CPSF7: variants seen among roughly 807,000 people sequenced by gnomAD.
CPSF7 encodes the protein cleavage and polyadenylation specific factor 7.
In CPSF7, 1 loss-of-function variant was observed where a neutral mutation model predicts 44.3. The observed-to-expected ratio is 0.02, with a 90% CI of 0.01 to 0.11. The LOEUF is 0.11. Ranked by LOEUF, CPSF7 falls within the 10% of genes least tolerant of loss-of-function variation. The probability of loss-of-function intolerance (pLI) is 1.00; values close to 1 mark genes in which losing one functional copy is unlikely to be tolerated. For synonymous variants in CPSF7, 202 were observed against 222.0 expected, an observed-to-expected ratio of 0.91 and a Z score of 0.80; for missense variants, 443 against 607.2, an observed-to-expected ratio of 0.73 and a Z score of 2.84.
rs369351140 is a variant in CPSF7 at position 61,420,042 on chromosome 11, G to A, written c.430C>T (p.Leu144Phe). Residue 144 changes from leucine (L) to phenylalanine (F), a missense_variant, in exon 5 of 10, where the codon CTC (leucine) becomes TTC (phenylalanine). Coordinates refer to ENST00000439958, the MANE Select transcript of CPSF7 (RefSeq NM_001142565.3). ...CCATTAAGAACTTTCCCTGGTAGGAGTTCCAACAATTTGTGGACAGAGTTT... is the reference window on the plus strand; with the variant it reads ...CCATTAAGAACTTTCCCTGGTAGGAATTCCAACAATTTGTGGACAGAGTTT... Reference protein sequence around the residue: ...SENSVHKLLELLPGKVLNGEK... With the variant: ...SENSVHKLLEFLPGKVLNGEK... The A allele has an allele frequency of 5.0e-6, 8 of 1,613,984 alleles. No individual in the cohort carries two copies. Among genetic ancestry groups the A allele is most frequent in the Non-Finnish European group, 6.8e-6 (8 of 1,179,962 alleles).
chr11:61,420,030 T>C lies in CPSF7; in HGVS notation c.442A>G (p.Lys148Glu), dbSNP rs765399178. 1.2e-6 allele frequency: 2 copies of C among 1,613,976 alleles called. No individual in the cohort carries two copies. The highest frequency in any genetic ancestry group is 1.7e-5 in the Admixed American group (1 of 60,000). ...TCCACTTTTTCTCCATTAAGAACTT[T>C]CCCTGGTAGGAGTTCCAACAATTTG... The part of the protein sequence containing the change: ...VHKLLELLPG[K>E]VLNGEKVDVR... Residue 148 changes from lysine (K) to glutamate (E), a missense_variant, in exon 5 of 10, where the codon AAA becomes GAA. By Grantham distance (56) the Lys-to-Glu change is moderately conservative. Coordinates refer to ENST00000439958, the MANE Select transcript of CPSF7 (RefSeq NM_001142565.3).
chr11:61,419,173 T>TCACCCA (rs1475435696), intron 5 of CPSF7, among the ~76,000 whole-genome samples: 11 of 152,050 alleles, frequency 7.2e-5, no homozygotes, highest in Admixed American at 7.2e-4. Context: ...CAGGCATGTG[T>TCACCCA]CACCCACACC....
chr11:61,415,063 C>T (rs538904735), intron 7 of CPSF7, among the ~76,000 whole-genome samples: 2 of 152,126 alleles, frequency 1.3e-5, no homozygotes, highest in African/African-American at 4.8e-5. Context: ...ATGATGAAAC[C>T]CTGTCTCTAC....
At chr11:61,416,556 CT>C (rs969515968) in intron 5 of CPSF7, 37 bp from the exon 6 acceptor site, 2 of 1,605,976 alleles carry the variant, frequency 1.2e-6, no homozygotes, top group Admixed American at 1.7e-5. Flanking sequence ...ACTGCCCAGG[CT>C]TTACACAAAC....
In CPSF7 at chr11:61,404,619, G is replaced by A. The variant is rs990355373; in HGVS notation, c.*91C>T. 3 of 152,226 alleles carry A rather than the reference G, an allele frequency of 2.0e-5. No individual in the cohort carries two copies. Among genetic ancestry groups the A allele is most frequent in the Non-Finnish European group, 4.4e-5 (3 of 68,114 alleles). 9.4% of individuals were successfully genotyped at this position (152,226 alleles called of 1,614,324 possible). On this transcript the variant is annotated 3_prime_UTR_variant, in exon 10 of 10. Transcript: ENST00000439958. The stretch of plus-strand genomic sequence containing the variant: ...GTTAGGGGTTTGGAGGAAAGGGAAG[G>A]GGGTGGGGCGGCCTCCGTCCTTTAG...
intron 9 of CPSF7, among the ~76,000 whole-genome samples, chr11:61,409,459 ACT>A (rs1859653374): frequency 1.3e-5 from 2 of 152,014 alleles, no homozygotes; most frequent in Non-Finnish European, 2.9e-5. Flanking sequence ...CAAGAGTGAG[ACT>A]CTGTCTCAAA....
chr11:61,425,385 T>C (rs188464691), intron 2 of CPSF7, among the ~76,000 whole-genome samples: 10 of 152,368 alleles, frequency 6.6e-5, no homozygotes, highest in South Asian at 4.1e-4. Context: ...ACATTTTACA[T>C]GCACTGATGT....
At chr11:61,427,639 A>G (rs1036634338) in intron 2 of CPSF7, among the ~76,000 whole-genome samples, 5 of 148,530 alleles carry the variant, frequency 3.4e-5, no homozygotes, top group African/African-American at 7.4e-5. Flanking sequence ...GGTGACAGAG[A>G]GAGACTCTGT....
intron 9 of CPSF7, among the ~76,000 whole-genome samples, chr11:61,407,833 T>C (rs1435508208): frequency 6.6e-6 from 1 of 152,050 alleles, no homozygotes; most frequent in African/African-American, 2.4e-5. Flanking sequence ...AGTATTTTGG[T>C]TTTTAGTAGG....
intron 5 of CPSF7, 91 bp downstream of exon 5, chr11:61,419,858 A>C: frequency 2.0e-6 from 3 of 1,463,422 alleles, no homozygotes; most frequent in Non-Finnish European, 1.9e-6. Flanking sequence ...ACTGTAGGCT[A>C]AGCCTACACC....
intron 7 of CPSF7, among the ~76,000 whole-genome samples, chr11:61,413,124 T>A (rs1030892468): frequency 1.6e-4 from 25 of 152,176 alleles, no homozygotes; most frequent in African/African-American, 5.5e-4. Context: ...GGGGTCTCAC[T>A]ATGTTGACCA....
chr11:61,406,897 AC>A (rs1210375482), intron 9 of CPSF7, among the ~76,000 whole-genome samples: 1 of 151,802 alleles, frequency 6.6e-6, no homozygotes, highest in East Asian at 1.9e-4. Flanking sequence ...CTGCCTCAGC[AC>A]CCCCAAGTAG....
At chr11:61,411,681 G>A in intron 8 of CPSF7, 88 bp downstream of exon 8, 1 of 1,270,922 alleles carries the variant, frequency 7.9e-7, no homozygotes, top group Non-Finnish European at 1.1e-6. Flanking sequence ...GTCTTTCCCA[G>A]ATTCCCTGGG....
rs897212726 is a variant in CPSF7 at position 61,416,030 on chromosome 11, C to T, written c.938+75G>A. On this transcript the variant is annotated intron_variant, in intron 6 of 9. Transcript: ENST00000439958. Reference sequence around the variant, plus strand: ...GGAAAGAACAAGGATTCAGTGCTCACTTTCTCAGGGAGAATAAAATGCTTA... The same window carrying T: ...GGAAAGAACAAGGATTCAGTGCTCATTTTCTCAGGGAGAATAAAATGCTTA... The T allele has an allele frequency of 3.9e-5, 52 of 1,323,466 alleles. No individual in the cohort carries two copies. In the Middle Eastern group the frequency reaches 9.8e-4, roughly 25 times the overall value. 82.0% of individuals were successfully genotyped at this position (1,323,466 alleles called of 1,614,324 possible). A position where few individuals can be genotyped will look rare whatever the true frequency, so the allele number is the denominator to read the frequency against.
chr11:61,415,657 C>A lies in CPSF7; in HGVS notation c.1057+9G>T. ...AAGGAGAAGGCAGCAAAGGTAAGCA[C>A]TGAGTTACCTGCACTGGCTCCAGAT... On this transcript the variant is annotated intron_variant, in intron 7 of 9. Transcript: ENST00000439958. 3 of 1,570,070 alleles carry A rather than the reference C, an allele frequency of 1.9e-6. No individual in the cohort carries two copies. Among genetic ancestry groups the A allele is most frequent in the Non-Finnish European group, 2.6e-6 (3 of 1,139,950 alleles).
At chr11:61,427,512 G>A (rs1380553708) in intron 2 of CPSF7, among the ~76,000 whole-genome samples, 1 of 151,936 alleles carries the variant, frequency 6.6e-6, no homozygotes, top group Non-Finnish European at 1.5e-5. Context: ...AATTAGCCAG[G>A]TGAGGTGACC....
chr11:61,417,297 C>T (rs571046634), intron 5 of CPSF7, among the ~76,000 whole-genome samples: 1 of 152,364 alleles, frequency 6.6e-6, no homozygotes, highest in Non-Finnish European at 1.5e-5. Flanking sequence ...GGCAGCCTAA[C>T]AGGAACACCA....
intron 2 of CPSF7, among the ~76,000 whole-genome samples, chr11:61,424,305 A>G (rs538659712): frequency 6.6e-6 from 1 of 152,318 alleles, no homozygotes; most frequent in Non-Finnish European, 1.5e-5. Context: ...TACGTCTCAA[A>G]CTATCCCAAC....
chr11:61,429,370 C>A (rs1474386116), intron 1 of CPSF7, 80 bp from the exon 2 acceptor site: 6 of 831,594 alleles, frequency 7.2e-6, no homozygotes, highest in Non-Finnish European at 1.2e-5. Flanking sequence ...GCTAACCTCC[C>A]ATCTCCAGAG....
Sources: gnomAD v4.1 joint callset for allele counts (sites outside exome capture counted in the v4.1 genomes callset) on GRCh38, gnomAD v4.1.1 for gene constraint, MANE v1.5 for transcripts, NCBI Gene and HGNC (gene_info 2026-07-23, HGNC 2026-07-21) for gene names.